The following SLC24A2 variants were observed in gnomAD, a reference collection of about 807,000 sequenced individuals.
SLC24A2 encodes sodium/potassium/calcium exchanger 2.
In SLC24A2, 36 loss-of-function variants were observed where a neutral mutation model predicts 62.0. The observed-to-expected ratio is 0.58, with a 90% CI of 0.44 to 0.77. The LOEUF is 0.77. SLC24A2 is among the 30% of genes least tolerant of loss of function. The pLI is 0.00. For missense variants in SLC24A2, 846 were observed against 817.9 expected (o/e 1.03, Z -0.42); for synonymous variants, 358 against 294.0 (o/e 1.22, Z -2.23).
chr9:19,898,214 A>C, the SLC24A2 span, among the ~76,000 whole-genome samples: 17 of 152,312 alleles, frequency 1.1e-4, no homozygotes, highest in African/African-American at 3.8e-4. Flanking sequence ...AGCTTGTGGA[A>C]GGGTCTGTGG....
intron 7 of SLC24A2, among the ~76,000 whole-genome samples, chr9:19,561,584 G>A (rs7020538): frequency 0.74 from 112,087 of 151,422 alleles, 42,981 homozygotes; most frequent in East Asian, 1. Flanking sequence ...ACAGGTGCGT[G>A]CCACCACACC....
At chr9:20,066,894 A>C in the SLC24A2 span, among the ~76,000 whole-genome samples, 2 of 152,176 alleles carry the variant, frequency 1.3e-5, no homozygotes, top group African/African-American at 2.4e-5. Flanking sequence ...CTCAAAGGCT[A>C]ATTGTTTGGA....
the SLC24A2 span, among the ~76,000 whole-genome samples, chr9:20,216,896 T>C: frequency 1.3e-5 from 2 of 152,110 alleles, no homozygotes; most frequent in African/African-American, 4.8e-5. Flanking sequence ...AGAAAAAATA[T>C]AATTAAATGT....
chr9:20,139,125 G>A, the SLC24A2 span, among the ~76,000 whole-genome samples: 1 of 152,052 alleles, frequency 6.6e-6, no homozygotes, highest in Non-Finnish European at 1.5e-5. Context: ...CATCTTTTTG[G>A]GTTTTTTTGC....
intron 4 of SLC24A2, among the ~76,000 whole-genome samples, chr9:19,611,545 G>T (rs1319935915): frequency 6.6e-6 from 1 of 151,998 alleles, no homozygotes; most frequent in Non-Finnish European, 1.5e-5. Flanking sequence ...TACGCTCTAG[G>T]GCTTTTGCTC....
At position 19,564,818 on chromosome 9, in the gene SLC24A2, C is replaced by T. The variant is rs140706871; in HGVS notation, c.1347+8533G>A. On this transcript the variant is annotated intron_variant, in intron 7 of 10. Transcript: ENST00000341998. Reference sequence around the variant, plus strand: ...TGCAAGTCTCTCCCCCTTCTACCCTCATTGTGAGCGTATTTAAATGGTTTT... The same window carrying T: ...TGCAAGTCTCTCCCCCTTCTACCCTTATTGTGAGCGTATTTAAATGGTTTT... Among the ~76,000 whole-genome samples, 1,235 of 152,290 alleles carry T rather than the reference C, an allele frequency of 8.1e-3. 11 individuals are homozygous for T. The highest frequency in any genetic ancestry group is 0.012 in the Non-Finnish European group (844 of 68,008).
chr9:19,867,467 TA>T, the SLC24A2 span, among the ~76,000 whole-genome samples: 1 of 152,236 alleles, frequency 6.6e-6, no homozygotes, highest in Non-Finnish European at 1.5e-5. Context: ...TTTGTTAGCA[TA>T]CAATTGTCGT....
At chr9:20,200,059 C>A in the SLC24A2 span, among the ~76,000 whole-genome samples, 1 of 151,950 alleles carries the variant, frequency 6.6e-6, no homozygotes, top group Non-Finnish European at 1.5e-5. Context: ...TGAATATAGT[C>A]AGATCCTTCA....
the SLC24A2 span, among the ~76,000 whole-genome samples, chr9:19,848,699 A>T: frequency 2.6e-5 from 4 of 152,046 alleles, no homozygotes; most frequent in African/African-American, 9.7e-5. Context: ...GTAATTTCAC[A>T]TAAAGGGTAG....
At chr9:19,762,824 A>C (rs1822382060) in intron 2 of SLC24A2, among the ~76,000 whole-genome samples, 1 of 139,930 alleles carries the variant, frequency 7.1e-6, no homozygotes, top group Non-Finnish European at 1.6e-5. Flanking sequence ...TTCCATATGA[A>C]ATTTAAAGTT....
chr9:19,729,406 G>A (rs1178435005), intron 2 of SLC24A2, among the ~76,000 whole-genome samples: 1 of 152,154 alleles, frequency 6.6e-6, no homozygotes, highest in Admixed American at 6.6e-5. Context: ...GTATTGAAGA[G>A]ATATCTGCAC....
the SLC24A2 span, among the ~76,000 whole-genome samples, chr9:20,066,106 G>A: frequency 3.3e-5 from 5 of 152,008 alleles, no homozygotes; most frequent in Non-Finnish European, 7.4e-5. Flanking sequence ...TAAATGACTG[G>A]GAATAAAACA....
chr9:19,512,320 AG>A lies in SLC24A2; in HGVS notation c.*3832del, dbSNP rs1420872808. On this transcript the variant is annotated 3_prime_UTR_variant, in exon 11 of 11. Transcript: ENST00000341998. ...CCCTTGTCAGGTGACACCTGTTAGA[AG>A]CCTTACAAAGCATTTTTCCTGAATA... The A allele has an allele frequency of 6.6e-6, 1 of 152,272 alleles. No individual in the cohort carries two copies. Among genetic ancestry groups the A allele is most frequent in the Non-Finnish European group, 1.5e-5 (1 of 68,048 alleles). 9.4% of individuals were successfully genotyped at this position (152,272 alleles called of 1,614,324 possible).
chr9:20,269,860 G>A, the SLC24A2 span, among the ~76,000 whole-genome samples: 1 of 152,152 alleles, frequency 6.6e-6, no homozygotes, highest in East Asian at 1.9e-4. Context: ...CCTGGTCTTA[G>A]TCTGTTTTGT....
At chr9:20,251,162 T>A in the SLC24A2 span, among the ~76,000 whole-genome samples, 50 of 152,090 alleles carry the variant, frequency 3.3e-4, 1 homozygote, top group South Asian at 4.1e-4. Context: ...TTTGGGAAAA[T>A]CTTGAAGCCT....
At chr9:19,832,459 G>C in the SLC24A2 span, among the ~76,000 whole-genome samples, 2 of 152,126 alleles carry the variant, frequency 1.3e-5, no homozygotes, top group Non-Finnish European at 2.9e-5. Context: ...AATTTCAAAA[G>C]TAAGGTCAGG....
chr9:20,075,786 C>T, the SLC24A2 span, among the ~76,000 whole-genome samples: 1 of 152,182 alleles, frequency 6.6e-6, no homozygotes, highest in East Asian at 1.9e-4. Context: ...CTTTCTACCA[C>T]CACCTGCCAC....
intron 2 of SLC24A2, among the ~76,000 whole-genome samples, chr9:19,760,585 C>T (rs937510396): frequency 2.0e-5 from 3 of 151,708 alleles, no homozygotes; most frequent in African/African-American, 7.3e-5. Context: ...TCTCATTGTT[C>T]AACTCCCACT....
At chr9:19,563,994 C>T (rs1292041608) in intron 7 of SLC24A2, among the ~76,000 whole-genome samples, 3 of 151,858 alleles carry the variant, frequency 2.0e-5, no homozygotes, top group Non-Finnish European at 4.4e-5. Context: ...GCTAGAACCA[C>T]AGGTGCACAC....
Sources: gnomAD v4.1 joint callset for allele counts (sites outside exome capture counted in the v4.1 genomes callset) on GRCh38, gnomAD v4.1.1 for gene constraint, MANE v1.5 for transcripts, NCBI Gene and HGNC (gene_info 2026-07-23, HGNC 2026-07-21) for gene names.